ABL1: variants seen among roughly 807,000 people sequenced by gnomAD.
The protein encoded by ABL1 is tyrosine-protein kinase ABL1.
A neutral mutation model predicts 94.7 loss-of-function variants in ABL1; 11 were observed. The ratio of observed to expected loss-of-function variants is 0.12; its 90% confidence interval spans 0.07 to 0.19. The LOEUF (loss-of-function observed/expected upper bound fraction) is 0.19. Among genes scored for constraint, ABL1 ranks in the 10% least tolerant of loss-of-function variants. The pLI, the probability that ABL1 is intolerant of heterozygous loss-of-function variation, is 1.00. For synonymous variants in ABL1, 656 were observed against 622.4 expected, an observed-to-expected ratio of 1.05 and a Z score of -0.80; for missense variants, 1,082 against 1,489.4, an observed-to-expected ratio of 0.73 and a Z score of 4.50.
intron 3 of ABL1, among the ~76,000 whole-genome samples, chr9:130,856,122 C>G (rs971167879): frequency 1.3e-5 from 2 of 152,132 alleles, no homozygotes; most frequent in African/African-American, 4.8e-5. Flanking sequence ...CATTTTCGCT[C>G]TCATTGCCCA....
intron 1 of ABL1, among the ~76,000 whole-genome samples, chr9:130,750,142 C>T (rs867527232): frequency 1.4e-4 from 20 of 146,632 alleles, no homozygotes; most frequent in East Asian, 4.0e-4. Flanking sequence ...GATTGTGCCA[C>T]GGCACTCCAG....
At chr9:130,769,329 CTTTTTTTT>C (rs372838676) in intron 1 of ABL1, among the ~76,000 whole-genome samples, 7 of 84,320 alleles carry the variant, frequency 8.3e-5, no homozygotes, top group African/African-American at 3.2e-4. Flanking sequence ...TGGCCCTAGT[CTTTTTTTT>C]TTTTTTTTTT....
intron 1 of ABL1, among the ~76,000 whole-genome samples, chr9:130,738,911 C>T (rs914920320): frequency 6.6e-6 from 1 of 152,152 alleles, no homozygotes; most frequent in Non-Finnish European, 1.5e-5. Context: ...GAGACAGGGT[C>T]TTGCTCTGTC....
chr9:130,744,442 C>T (rs956461008), intron 1 of ABL1, among the ~76,000 whole-genome samples: 5 of 151,674 alleles, frequency 3.3e-5, no homozygotes, highest in Non-Finnish European at 7.4e-5. Context: ...CGCCTGGCCC[C>T]TTCTTGTTTT....
At chr9:130,766,186 A>G (rs1017948395) in intron 1 of ABL1, among the ~76,000 whole-genome samples, 1 of 152,214 alleles carries the variant, frequency 6.6e-6, no homozygotes, top group Admixed American at 6.5e-5. Context: ...GCACTCACAG[A>G]CACATACCAA....
chr9:130,775,555 T>C (rs1370045142), intron 1 of ABL1, among the ~76,000 whole-genome samples: 3 of 151,944 alleles, frequency 2.0e-5, no homozygotes, highest in Admixed American at 2.0e-4. Flanking sequence ...GGGATAAAGC[T>C]GAAGAAATTA....
chr9:130,853,455 C>T (rs1265608384), intron 1 of ABL1, among the ~76,000 whole-genome samples: 1 of 151,346 alleles, frequency 6.6e-6, no homozygotes, highest in African/African-American at 2.4e-5. Context: ...TTTCTCGTTA[C>T]CCAGGCTGGA....
At chr9:130,796,377 G>A (rs1212545926) in intron 1 of ABL1, among the ~76,000 whole-genome samples, 3 of 152,072 alleles carry the variant, frequency 2.0e-5, no homozygotes, top group Non-Finnish European at 4.4e-5. Context: ...TGGGCATGGT[G>A]GTGCGTTCCT....
At chr9:130,875,142 C>G in intron 7 of ABL1, 90 bp downstream of exon 7, 1 of 1,402,190 alleles carries the variant, frequency 7.1e-7, no homozygotes, top group Non-Finnish European at 9.7e-7. Context: ...TCTTTTCTTC[C>G]TTTCTTTTTG....
At chr9:130,719,850 A>G (rs1457222290) in intron 1 of ABL1, among the ~76,000 whole-genome samples, 2 of 152,196 alleles carry the variant, frequency 1.3e-5, no homozygotes. Context: ...GTTGTTGTTG[A>G]TGGTGAATCT....
chr9:130,797,245 A>G lies in ABL1; in HGVS notation c.137-56819A>G, dbSNP rs1450893052. On this transcript the variant is annotated intron_variant, in intron 1 of 10. Transcript: ENST00000372348. ...AGTGAGACTCCATCTCGAAAAAAAA[A>G]AAAAAAAAAAAAAAAAAAAAGAACT... 5.3e-5 allele frequency among the ~76,000 whole-genome samples: 6 copies of G among 113,296 alleles called. 1 individual carries two copies. The highest frequency in any genetic ancestry group is 2.9e-4 in the African/African-American group (6 of 20,708). The allele number at this position is 113,296 out of a possible 152,430, so 74.3% of individuals were successfully genotyped here. A position where few individuals can be genotyped will look rare whatever the true frequency, so the allele number is the denominator to read the frequency against.
intron 1 of ABL1, among the ~76,000 whole-genome samples, chr9:130,820,590 G>A (rs1400601029): frequency 6.6e-6 from 1 of 152,144 alleles, no homozygotes; most frequent in African/African-American, 2.4e-5. Flanking sequence ...GTCAGAGTTG[G>A]GTGGAATCAT....
At chr9:130,784,019 C>T (rs1378840421) in intron 1 of ABL1, among the ~76,000 whole-genome samples, 5 of 152,118 alleles carry the variant, frequency 3.3e-5, no homozygotes, top group Admixed American at 1.3e-4. Context: ...CAAGAAAAGA[C>T]GCTTGATAAA....
intron 1 of ABL1, among the ~76,000 whole-genome samples, chr9:130,791,812 C>T (rs72765045): frequency 7.1e-4 from 108 of 152,268 alleles, no homozygotes; most frequent in Non-Finnish European, 1.4e-3. Flanking sequence ...CTCTCTTTCC[C>T]GGCTTGCAGA....
chr9:130,752,002 C>T (rs191025006), intron 1 of ABL1, among the ~76,000 whole-genome samples: 2 of 152,288 alleles, frequency 1.3e-5, no homozygotes, highest in East Asian at 3.9e-4. Flanking sequence ...ATGGATTATC[C>T]ATCCACCATA....
rs147026468 is a variant in ABL1, at chr9:130,862,036, C to G, written c.550-727C>G. ...ACACGGGGACCGAATGCTCTTGTGT[C>G]GTAAATCCTTCCTTTTGCTTCCTCG... is the stretch of plus-strand genomic sequence containing the variant. On this transcript the variant is annotated intron_variant, in intron 3 of 10. Transcript: ENST00000318560. The surrounding 1 kb of genome is among the most constrained non-coding windows in gnomAD (Gnocchi z 5.5). Among the ~76,000 whole-genome samples the G allele has an allele frequency of 6.6e-5, 10 of 152,188 alleles. No individual in the cohort carries two copies. The highest frequency in any genetic ancestry group is 1.3e-4 in the Non-Finnish European group (9 of 68,024).
In ABL1 at chr9:130,884,345, C is replaced by A; in HGVS notation, c.2055C>A (p.His685Gln). Reference sequence around the variant, plus strand: ...GGGGCTCAGGCTTCCGGTCTCCCCACCTGTGGAAGAAGTCCAGCACGCTGA... The same window carrying A: ...GGGGCTCAGGCTTCCGGTCTCCCCAACTGTGGAAGAAGTCCAGCACGCTGA... The part of the protein sequence containing the change: ...ESGGSGFRSP[H>Q]LWKKSSTLTS... Residue 685 changes from histidine (H) to glutamine (Q), a missense_variant, in exon 11 of 11, where the codon CAC becomes CAA. Around this residue, in one of 7 missense-constraint regions of ABL1, gnomAD observed 780 missense variants for 835.8 expected, o/e 0.93. Transcript: ENST00000318560. The surrounding 1 kb of genome is among the most constrained non-coding windows in gnomAD (Gnocchi z 5.6). 2 of 1,612,234 alleles carry A rather than the reference C, an allele frequency of 1.2e-6. No individual in the cohort carries two copies. The highest frequency in any genetic ancestry group is 4.5e-5 in the East Asian group (2 of 44,848).
chr9:130,830,951 T>G (rs1347681649), upstream of ABL1, among the ~76,000 whole-genome samples: 1 of 152,182 alleles, frequency 6.6e-6, no homozygotes, highest in Non-Finnish European at 1.5e-5. Flanking sequence ...AATGTGAGAC[T>G]TAAAGGGATG....
chr9:130,761,535 C>T (rs576708408), intron 1 of ABL1, among the ~76,000 whole-genome samples: 40 of 152,260 alleles, frequency 2.6e-4, no homozygotes, highest in African/African-American at 7.9e-4. Flanking sequence ...AATCAACTCC[C>T]CTTTTAATTT....
Sources: allele counts gnomAD v4.1 joint callset (sites outside exome capture counted in the v4.1 genomes callset), GRCh38; gene constraint gnomAD v4.1.1; regional missense constraint gnomAD v4.1.1; non-coding constraint Gnocchi (gnomAD v3.1); transcripts MANE v1.5; gene names NCBI Gene and HGNC (gene_info 2026-07-23, HGNC 2026-07-21).